Variants in RORA observed in about 807,000 individuals in gnomAD.
RORA encodes nuclear receptor ROR-alpha.
Under a neutral mutation model 69.5 loss-of-function variants are expected in RORA, and 7 were observed. The ratio of observed to expected loss-of-function variants is 0.10; its 90% CI spans 0.06 to 0.19. The LOEUF is 0.19. Among genes scored for constraint, RORA ranks in the 10% least tolerant of loss-of-function variants. RORA has a pLI of 1.00. For synonymous variants in RORA, 261 were observed against 240.8 expected (o/e 1.08, Z -0.78); for missense variants, 457 against 663.0 (o/e 0.69, Z 3.41).
chr15:60,761,998 C>G lies in RORA; in HGVS notation c.167-83312G>C, dbSNP rs191935428. ...GAGCACTTTTGAAAACAGACTAATC[C>G]AAAACATCTGCAAGAATTTTATCTT... On this transcript the variant is annotated intron_variant, in intron 1 of 10. Coordinates refer to ENST00000335670, the MANE Select transcript of RORA (RefSeq NM_134261.3). 5.0e-3 allele frequency among the ~76,000 whole-genome samples: 756 copies of G among 151,576 alleles called. 3 individuals are homozygous for G. The highest frequency in any genetic ancestry group is 9.2e-3 in the Admixed American group (140 of 15,236).
intron 1 of RORA, among the ~76,000 whole-genome samples, chr15:60,739,769 C>T (rs969980309): frequency 1.3e-5 from 2 of 152,148 alleles, no homozygotes; most frequent in Admixed American, 6.5e-5. Flanking sequence ...GCACATTTAC[C>T]GCTTGTCTCT....
intron 1 of RORA, among the ~76,000 whole-genome samples, chr15:60,900,887 TA>T (rs544907356): frequency 1.8e-4 from 27 of 150,650 alleles, no homozygotes; most frequent in East Asian, 9.8e-4. Context: ...AAATAAAAAA[TA>T]AAAAAAAATA....
In RORA at chr15:60,942,326, T is replaced by A. The variant is rs150737115; in HGVS notation, c.167-263640A>T. On this transcript the variant is annotated intron_variant, in intron 1 of 10. Coordinates refer to ENST00000335670, the MANE Select transcript of RORA (RefSeq NM_134261.3). ...AGCAGAGCTGGGATATACACCCTTA[T>A]CAGACCAAATCCCAAATCAGTGCTC... Among the ~76,000 whole-genome samples the A allele has an allele frequency of 3.7e-3, 568 of 152,326 alleles. 7 individuals are homozygous for A. The highest frequency in any genetic ancestry group is 0.013 in the African/African-American group (538 of 41,564).
At chr15:60,922,235 T>C (rs959782553) in intron 1 of RORA, among the ~76,000 whole-genome samples, 1 of 152,198 alleles carries the variant, frequency 6.6e-6, no homozygotes, top group African/African-American at 2.4e-5. Flanking sequence ...TTCTGTATAA[T>C]ACTATCATGG....
At chr15:60,564,469 G>T (rs2067660113) in intron 2 of RORA, among the ~76,000 whole-genome samples, 1 of 152,188 alleles carries the variant, frequency 6.6e-6, no homozygotes, top group Non-Finnish European at 1.5e-5. Flanking sequence ...TGGTCAGAAT[G>T]ATCCACACTC....
chr15:60,728,263 G>A (rs927888128), intron 1 of RORA, among the ~76,000 whole-genome samples: 1 of 151,742 alleles, frequency 6.6e-6, no homozygotes, highest in Non-Finnish European at 1.5e-5. Context: ...ATACTTTTTT[G>A]CTTTGTAAAC....
At position 61,031,626 on chromosome 15, in the gene RORA, T is replaced by C. The variant is rs575932820; in HGVS notation, c.166+197427A>G. ...CTATATCTACTGACTTTTAGAGGTA[T>C]GCCAGATGTACTGTTCAGTGGAAAA... On this transcript the variant is annotated intron_variant, in intron 1 of 10. Transcript: ENST00000335670. Among the ~76,000 whole-genome samples, 439 of 152,306 alleles carry C rather than the reference T, an allele frequency of 2.9e-3. 2 individuals are homozygous for C. Among genetic ancestry groups the C allele is most frequent in the Non-Finnish European group, 4.4e-3 (302 of 68,004 alleles).
At chr15:60,574,516 C>T (rs189840787) in intron 2 of RORA, among the ~76,000 whole-genome samples, 10 of 152,296 alleles carry the variant, frequency 6.6e-5, no homozygotes, top group African/African-American at 2.2e-4. Context: ...CAATGTGTAC[C>T]GGCTAAGGCT....
At chr15:60,689,451 CT>C (rs2070791492) in intron 1 of RORA, among the ~76,000 whole-genome samples, 1 of 152,088 alleles carries the variant, frequency 6.6e-6, no homozygotes, top group Non-Finnish European at 1.5e-5. Context: ...CAGTTCTTCT[CT>C]TTTAAATTAT....
rs371268308 is a variant in RORA, at chr15:60,733,846, G to A, written c.167-55160C>T. Among the ~76,000 whole-genome samples, 72 of 150,794 alleles carry A rather than the reference G, an allele frequency of 4.8e-4. No individual in the cohort carries two copies. The Middle Eastern group carries it at 0.01, about 22-fold the overall frequency. ...ACCCAATCAGTTGTTCCCAGTGGAT[G>A]GGAAGTTGAGTTGCCCAACTTATGT... is the stretch of plus-strand genomic sequence containing the variant. On this transcript the variant is annotated intron_variant, in intron 1 of 10. Coordinates refer to ENST00000335670, the MANE Select transcript of RORA (RefSeq NM_134261.3).
At chr15:60,515,926 TTTATA>T (rs2065858157) in intron 3 of RORA, among the ~76,000 whole-genome samples, 13 of 54,236 alleles carry the variant, frequency 2.4e-4, no homozygotes, top group Middle Eastern at 9.8e-3. Context: ...TATATATATA[TTTATA>T]TATATATTTA....
chr15:60,938,544 A>G (rs989578262), intron 1 of RORA, among the ~76,000 whole-genome samples: 2 of 152,176 alleles, frequency 1.3e-5, no homozygotes, highest in African/African-American at 4.8e-5. Flanking sequence ...CTGCCAATCA[A>G]AATTAGAAGG....
intron 1 of RORA, among the ~76,000 whole-genome samples, chr15:61,024,031 G>A (rs750345403): frequency 6.6e-6 from 1 of 152,074 alleles, no homozygotes; most frequent in Non-Finnish European, 1.5e-5. Context: ...AACGAGTGTT[G>A]GGAGTTGATT....
At chr15:60,521,463 A>T (rs2066164680) in intron 3 of RORA, among the ~76,000 whole-genome samples, 1 of 151,964 alleles carries the variant, frequency 6.6e-6, no homozygotes, top group Non-Finnish European at 1.5e-5. Flanking sequence ...CATGGTCTAG[A>T]TCTCTTGACC....
intron 2 of RORA, among the ~76,000 whole-genome samples, chr15:60,674,145 C>T (rs1189618684): frequency 2.6e-5 from 4 of 152,144 alleles, no homozygotes; most frequent in South Asian, 2.1e-4. Context: ...TGGGTTGCCA[C>T]GGAAACCTAC....
At chr15:61,181,833 A>G (rs1417649861) in intron 1 of RORA, among the ~76,000 whole-genome samples, 1 of 152,232 alleles carries the variant, frequency 6.6e-6, no homozygotes, top group Non-Finnish European at 1.5e-5. Context: ...ACCAAACACC[A>G]GTAGCACTAG....
chr15:60,976,253 C>A (rs1383910450), intron 1 of RORA, among the ~76,000 whole-genome samples: 1 of 152,138 alleles, frequency 6.6e-6, no homozygotes, highest in South Asian at 2.1e-4. Flanking sequence ...AACAGCCCTG[C>A]GGGACTCAAT....
At chr15:60,713,049 C>T (rs1379941707) in intron 1 of RORA, among the ~76,000 whole-genome samples, 2 of 152,094 alleles carry the variant, frequency 1.3e-5, no homozygotes, top group African/African-American at 4.8e-5. Context: ...TTTTCATTTC[C>T]TTTACTTTTT....
chr15:60,829,306 T>C (rs552276610), intron 1 of RORA, among the ~76,000 whole-genome samples: 15 of 152,294 alleles, frequency 9.8e-5, no homozygotes, highest in African/African-American at 2.9e-4. Flanking sequence ...TGTTCAACTC[T>C]ACATCTCACC....
Sources: gnomAD v4.1 joint callset for allele counts (sites outside exome capture counted in the v4.1 genomes callset) on GRCh38, gnomAD v4.1.1 for gene constraint, MANE v1.5 for transcripts, NCBI Gene and HGNC (gene_info 2026-07-23, HGNC 2026-07-21) for gene names.